The following TBC1D4 variants were observed in gnomAD, a reference collection of about 807,000 sequenced individuals.
TBC1D4 encodes TBC (Tre-2, BUB2, CDC16) domain-containing protein.
A neutral mutation model predicts 142.5 loss-of-function variants in TBC1D4; 121 were observed. That is an observed-to-expected ratio of 0.85 (90% confidence interval 0.73 to 0.99). TBC1D4 has a LOEUF of 0.99. Among genes scored for constraint, TBC1D4 ranks in the 50% least tolerant of loss-of-function variants. The pLI is 0.00. For missense variants in TBC1D4, 1,475 were observed against 1,606.6 expected, an observed-to-expected ratio of 0.92 and a Z score of 1.40; for synonymous variants, 630 against 628.2, an observed-to-expected ratio of 1.00 and a Z score of -0.04.
intron 4 of TBC1D4, among the ~76,000 whole-genome samples, chr13:75,351,043 G>A (rs1249529185): frequency 6.6e-6 from 1 of 152,080 alleles, no homozygotes; most frequent in Admixed American, 6.6e-5. Context: ...ATGTCAAAAG[G>A]TTAAAAGCAA....
At chr13:75,359,953 G>A (rs1882365825) in intron 2 of TBC1D4, 95 bp from the exon 3 acceptor site, 7 of 981,938 alleles carry the variant, frequency 7.1e-6, no homozygotes, top group Non-Finnish European at 1.1e-5. Context: ...AGATTCAAAT[G>A]CAATATCCCA....
intron 20 of TBC1D4, among the ~76,000 whole-genome samples, chr13:75,288,091 C>G (rs1874882276): frequency 6.6e-6 from 1 of 152,180 alleles, no homozygotes; most frequent in Non-Finnish European, 1.5e-5. Context: ...TAAGTGTGCG[C>G]TTAGAGACAG....
intron 1 of TBC1D4, among the ~76,000 whole-genome samples, chr13:75,364,848 C>T (rs4885287): frequency 1.3e-4 from 20 of 152,176 alleles, no homozygotes; most frequent in Middle Eastern, 3.2e-3. Context: ...CTACAGAGTA[C>T]GGAATCAGAA....
chr13:75,413,254 C>G (rs527581778), intron 1 of TBC1D4, among the ~76,000 whole-genome samples: 3 of 152,170 alleles, frequency 2.0e-5, no homozygotes, highest in South Asian at 4.2e-4. Context: ...CTCCGTCTCC[C>G]GGGTTCAAGC....
chr13:75,315,035 A>G (rs1409122951), intron 12 of TBC1D4, among the ~76,000 whole-genome samples: 1 of 148,208 alleles, frequency 6.7e-6, no homozygotes, highest in East Asian at 2.1e-4. Context: ...GGCTGGGCAC[A>G]ATGGCTTACA....
At chr13:75,335,150 T>C (rs983075202) in intron 8 of TBC1D4, among the ~76,000 whole-genome samples, 1 of 152,170 alleles carries the variant, frequency 6.6e-6, no homozygotes, top group African/African-American at 2.4e-5. Flanking sequence ...GCCTTCCCTC[T>C]GCCAGTATGC....
At chr13:75,396,285 CT>C (rs1319400758) in intron 1 of TBC1D4, among the ~76,000 whole-genome samples, 3 of 152,150 alleles carry the variant, frequency 2.0e-5, no homozygotes, top group African/African-American at 7.2e-5. Context: ...ATATCTCAAC[CT>C]TTATTGTCTC....
chr13:75,362,256 C>T lies in TBC1D4; in HGVS notation c.850G>A (p.Ala284Thr), dbSNP rs780656592. ...GAGCTGGTCAGGGCAGGCTGGCTGG[C>T]CCCGGCAGGTAAGCCAAGGTGGGTG... is the stretch of plus-strand genomic sequence containing the variant. ...TDTHLGLPAG[A>T]SQPALTSSRV... is the part of the protein sequence containing the mutation. Residue 284 changes from alanine (A) to threonine (T), a missense_variant, in exon 2 of 21, where the codon GCC becomes ACC. By Grantham distance (58) the Ala-to-Thr change is moderately conservative (BLOSUM62 0). Coordinates refer to ENST00000377636, the MANE Select transcript of TBC1D4 (RefSeq NM_014832.5). This position sits in a 1 kb window ranked among gnomAD's most constrained non-coding sequence, Gnocchi z 4.2. 6.2e-7 allele frequency: 1 copy of T among 1,613,802 alleles called. No homozygotes were observed. The highest frequency in any genetic ancestry group is 1.7e-5 in the Admixed American group (1 of 60,022).
At position 75,349,215 on chromosome 13, in the gene TBC1D4, C is replaced by A; in HGVS notation, c.1363G>T (p.Ala455Ser). Reference protein sequence around the residue: ...SAKTQIKLCEACPMHSLHKLC... With the variant: ...SAKTQIKLCESCPMHSLHKLC... ...TTATGCAAAGAGTGCATCGGGCAGG[C>A]CTCACACAGTTTAATCTGCGTCTTG... The change falls in exon 5 of 21, where the codon GCC becomes TCC. Residue 455 changes from alanine (A) to serine (S), a missense_variant. Ala to Ser is a moderately conservative substitution (Grantham distance 99). Around this residue, in one of 2 missense-constraint regions of TBC1D4, gnomAD observed 1,227 missense variants for 1,267.7 expected, o/e 0.97. Coordinates refer to ENST00000377636, the MANE Select transcript of TBC1D4 (RefSeq NM_014832.5). The A allele has an allele frequency of 1.2e-6, 2 of 1,614,028 alleles. No homozygotes were observed. The highest frequency in any genetic ancestry group is 1.7e-6 in the Non-Finnish European group (2 of 1,179,958).
chr13:75,450,235 A>C (rs997962431), intron 1 of TBC1D4, among the ~76,000 whole-genome samples: 5 of 152,030 alleles, frequency 3.3e-5, no homozygotes, highest in Admixed American at 1.3e-4. Flanking sequence ...CATTTCTTTT[A>C]ATTGTTTTCC....
At chr13:75,331,482 A>G (rs1211629417) in intron 8 of TBC1D4, among the ~76,000 whole-genome samples, 1 of 152,198 alleles carries the variant, frequency 6.6e-6, no homozygotes, top group African/African-American at 2.4e-5. Context: ...CCTGGGTGAC[A>G]GAGCAAGACC....
Position 75,286,723 on chromosome 13 carries a change from G to C in TBC1D4, c.*69C>G, listed in dbSNP as rs1211481178. The C allele has an allele frequency of 5.3e-6, 8 of 1,498,862 alleles. No homozygotes were observed. The Admixed American group carries it at 1.1e-4, about 21-fold the overall frequency. The allele number at this position is 1,498,862 out of a possible 1,614,324, so 92.8% of individuals were successfully genotyped here. A position where few individuals can be genotyped will look rare whatever the true frequency, so the allele number is the denominator to read the frequency against. On this transcript the variant is annotated 3_prime_UTR_variant, in exon 21 of 21. Coordinates refer to ENST00000377636, the MANE Select transcript of TBC1D4 (RefSeq NM_014832.5). Reference sequence around the variant, plus strand: ...AGCTTCAGGGTCCAGCCTTGGGCCAGCGACATGCAGGCTCTTCCTCTCTGT... The same window carrying C: ...AGCTTCAGGGTCCAGCCTTGGGCCACCGACATGCAGGCTCTTCCTCTCTGT...
intron 1 of TBC1D4, among the ~76,000 whole-genome samples, chr13:75,438,651 T>A (rs1338169910): frequency 1.3e-5 from 2 of 152,214 alleles, no homozygotes; most frequent in African/African-American, 4.8e-5. Flanking sequence ...AAAACTTTTA[T>A]AATATTAAGA....
chr13:75,320,650 T>C (rs910025975), intron 11 of TBC1D4, among the ~76,000 whole-genome samples: 1 of 152,032 alleles, frequency 6.6e-6, no homozygotes, highest in Non-Finnish European at 1.5e-5. Flanking sequence ...AATAGTAACC[T>C]GTTTTCAGTA....
rs1162736040 is a variant in TBC1D4, at chr13:75,359,781, G to T, written c.1158C>A (p.Ser386=). ...CTTTGATACATACCTGAGAACAAGA[G>T]GAGATATCTTTAAAATTCTTTTCTA... ...VVLEKNFKDI[S]SCSQGIKHVD... Residue 386 remains serine, a synonymous_variant, in exon 3 of 21, where the codon TCC becomes TCA. Coordinates refer to ENST00000377636, the MANE Select transcript of TBC1D4 (RefSeq NM_014832.5). 1.3e-5 allele frequency: 21 copies of T among 1,611,520 alleles called. No homozygotes were observed. The highest frequency in any genetic ancestry group is 1.8e-5 in the Non-Finnish European group (21 of 1,177,812).
At position 75,481,600 on chromosome 13, in the gene TBC1D4, GGGC is replaced by G; in HGVS notation, c.165_167del (p.Pro56del). On this transcript the variant is annotated inframe_deletion, in exon 1 of 21. Transcript: ENST00000377636. ...GCCTGCGGATCTCGGCCATGAGCCA[GGGC>G]AGCATAGGCAGCGTGGTCCTGTGGT... is the stretch of plus-strand genomic sequence containing the variant. 6.2e-7 allele frequency: 1 copy of G among 1,608,222 alleles called. No individual in the cohort carries two copies. The highest frequency in any genetic ancestry group is 8.5e-7 in the Non-Finnish European group (1 of 1,177,752).
intron 1 of TBC1D4, among the ~76,000 whole-genome samples, chr13:75,431,056 G>C (rs1411907426): frequency 1.3e-5 from 2 of 152,172 alleles, no homozygotes; most frequent in Non-Finnish European, 2.9e-5. Flanking sequence ...AGCTATTTCT[G>C]GAGGTGTCCC....
intron 19 of TBC1D4, among the ~76,000 whole-genome samples, chr13:75,291,627 C>T (rs141306398): frequency 2.0e-5 from 3 of 152,344 alleles, no homozygotes; most frequent in Non-Finnish European, 4.4e-5. Flanking sequence ...TTGTCCAGTA[C>T]TGTCCCATTC....
rs755416486 is a variant in TBC1D4 at position 75,324,306 on chromosome 13, G to A, written c.2129C>T (p.Ala710Val). Residue 710 changes from alanine (A) to valine (V), a missense_variant, in exon 11 of 21, where the codon GCC becomes GTC. Ala to Val is a moderately conservative substitution (Grantham distance 64). This residue lies in a region of TBC1D4 where 1,227 missense variants were observed against 1,267.7 expected (regional missense o/e 0.97). Coordinates refer to ENST00000377636, the MANE Select transcript of TBC1D4 (RefSeq NM_014832.5). Reference sequence around the variant, plus strand: ...GTAAAAGCTTTTCAGGAAAGAGGGGGCAGTGAAGGAAGGGGCAGAGAAGGA... The same window carrying A: ...GTAAAAGCTTTTCAGGAAAGAGGGGACAGTGAAGGAAGGGGCAGAGAAGGA... ...HTSFSAPSFT[A>V]PSFLKSFYQN... 3 of 1,613,984 alleles carry A rather than the reference G, an allele frequency of 1.9e-6. No individual in the cohort carries two copies. The highest frequency in any genetic ancestry group is 4.5e-5 in the East Asian group (2 of 44,862).
Sources: allele counts gnomAD v4.1 joint callset (sites outside exome capture counted in the v4.1 genomes callset), GRCh38; gene constraint gnomAD v4.1.1; regional missense constraint gnomAD v4.1.1; non-coding constraint Gnocchi (gnomAD v3.1); transcripts MANE v1.5; gene names NCBI Gene and HGNC (gene_info 2026-07-23, HGNC 2026-07-21).